Variants in GOLPH3 observed in about 807,000 individuals in gnomAD.
The protein encoded by GOLPH3 is coat protein GPP34.
In GOLPH3, 14 loss-of-function variants were observed where a neutral mutation model predicts 28.5. That is an observed-to-expected ratio of 0.49 (90% CI 0.32 to 0.77). The LOEUF (loss-of-function observed/expected upper bound fraction) is 0.77. GOLPH3 is among the 30% of genes least tolerant of loss of function. The pLI is 0.03. For missense variants in GOLPH3, 350 were observed against 393.7 expected (o/e 0.89, Z 0.94); for synonymous variants, 158 against 159.2 (o/e 0.99, Z 0.06).
rs534513890 is a variant in GOLPH3 at position 32,134,527 on chromosome 5, A to AT, written c.472+1044_472+1045insA. On this transcript the variant is annotated intron_variant, in intron 3 of 3. Transcript: ENST00000265070. ...CCTGGCCAAAAAATAAAATAAAAAA[A>AT]AAAAAAAAAAACTCAGCGAGGCATG... Among the ~76,000 whole-genome samples, 3 of 151,920 alleles carry AT rather than the reference A, an allele frequency of 2.0e-5. No individual in the cohort carries two copies. The South Asian group carries it at 6.3e-4, about 32-fold the overall frequency.
intron 1 of GOLPH3, among the ~76,000 whole-genome samples, chr5:32,155,034 G>C (rs964131851): frequency 1.3e-5 from 2 of 149,164 alleles, no homozygotes; most frequent in African/African-American, 5.0e-5. Flanking sequence ...AGTGGACAGA[G>C]GTTACAGTGA....
intron 1 of GOLPH3, among the ~76,000 whole-genome samples, chr5:32,160,811 T>C (rs1746553836): frequency 6.6e-6 from 1 of 152,180 alleles, no homozygotes; most frequent in Non-Finnish European, 1.5e-5. Flanking sequence ...CTCACGCCTG[T>C]AATCCCAGCA....
chr5:32,170,783 T>A (rs1035941543), intron 1 of GOLPH3, among the ~76,000 whole-genome samples: 61 of 151,494 alleles, frequency 4.0e-4, no homozygotes, highest in Non-Finnish European at 1.2e-4. Flanking sequence ...AAAAAAAAAA[T>A]TTTAAAGATG....
intron 1 of GOLPH3, among the ~76,000 whole-genome samples, chr5:32,162,857 T>A (rs561440052): frequency 6.6e-6 from 1 of 152,004 alleles, no homozygotes; most frequent in East Asian, 1.9e-4. Flanking sequence ...GGCGGGCGGA[T>A]CACGAGGTCA....
Position 32,150,236 on chromosome 5 carries a change from A to G in GOLPH3, c.226-6356T>C, listed in dbSNP as rs139706464. 3.7e-3 allele frequency among the ~76,000 whole-genome samples: 569 copies of G among 152,184 alleles called. 4 individuals carry two copies. The highest frequency in any genetic ancestry group is 0.013 in the African/African-American group (537 of 41,534). On this transcript the variant is annotated intron_variant, in intron 1 of 3. Coordinates refer to ENST00000265070, the MANE Select transcript of GOLPH3 (RefSeq NM_022130.4). ...CAAAAAATACCATGGCAAAACCTATATGAAAAGTTTAAAGTCTCTTGAAAG... is the reference window on the plus strand; with the variant it reads ...CAAAAAATACCATGGCAAAACCTATGTGAAAAGTTTAAAGTCTCTTGAAAG...
chr5:32,143,326 G>T (rs1287291422), intron 2 of GOLPH3, among the ~76,000 whole-genome samples: 2 of 151,356 alleles, frequency 1.3e-5, no homozygotes, highest in African/African-American at 4.9e-5. Context: ...AAGGCCGCAG[G>T]GTCCTCTGCC....
chr5:32,173,392 T>C (rs1746891613), intron 1 of GOLPH3, among the ~76,000 whole-genome samples: 1 of 150,828 alleles, frequency 6.6e-6, no homozygotes, highest in Non-Finnish European at 1.5e-5. Flanking sequence ...CCCTCCCAGG[T>C]CCTAAAGCCT....
At chr5:32,141,040 G>A (rs925382340) in intron 2 of GOLPH3, among the ~76,000 whole-genome samples, 2 of 151,806 alleles carry the variant, frequency 1.3e-5, no homozygotes, top group Non-Finnish European at 2.9e-5. Flanking sequence ...GCACACGCCT[G>A]TAGTACCAGC....
At chr5:32,158,128 A>ACACAC (rs1432947280) in intron 1 of GOLPH3, among the ~76,000 whole-genome samples, 1 of 41,692 alleles carries the variant, frequency 2.4e-5, no homozygotes, top group Non-Finnish European at 4.8e-5. Flanking sequence ...ATAAATAAAT[A>ACACAC]AAATACACAC....
At chr5:32,161,378 T>G (rs1466243387) in intron 1 of GOLPH3, among the ~76,000 whole-genome samples, 2 of 127,504 alleles carry the variant, frequency 1.6e-5, no homozygotes, top group Non-Finnish European at 3.1e-5. Flanking sequence ...GACTCCACCC[T>G]GGGTGACAGA....
chr5:32,153,963 G>A (rs1234827069), intron 1 of GOLPH3, among the ~76,000 whole-genome samples: 1 of 152,210 alleles, frequency 6.6e-6, no homozygotes, highest in Non-Finnish European at 1.5e-5. Flanking sequence ...TACGAGTTGA[G>A]TCCAGGACAT....
chr5:32,156,179 C>T (rs553294676), intron 1 of GOLPH3, among the ~76,000 whole-genome samples: 1 of 151,882 alleles, frequency 6.6e-6, no homozygotes, highest in East Asian at 1.9e-4. Flanking sequence ...TTGAACTTCC[C>T]AGACTCCAGA....
At chr5:32,131,378 CGTAA>C (rs1161946044) in intron 3 of GOLPH3, among the ~76,000 whole-genome samples, 1 of 152,094 alleles carries the variant, frequency 6.6e-6, no homozygotes, top group Non-Finnish European at 1.5e-5. Context: ...CTGAGTTTAG[CGTAA>C]GTAAGACATC....
At chr5:32,127,379 T>TA (rs1156313349) in intron 3 of GOLPH3, among the ~76,000 whole-genome samples, 2 of 152,196 alleles carry the variant, frequency 1.3e-5, no homozygotes, top group African/African-American at 2.4e-5. Flanking sequence ...TTTTTATACT[T>TA]AAAAAAACTA....
chr5:32,147,896 T>C (rs1186652356), intron 1 of GOLPH3, among the ~76,000 whole-genome samples: 1 of 152,244 alleles, frequency 6.6e-6, no homozygotes, highest in Non-Finnish European at 1.5e-5. Context: ...TACCACATAC[T>C]ATATAGTTAA....
chr5:32,127,173 C>A (rs1290703064), intron 3 of GOLPH3, among the ~76,000 whole-genome samples: 5 of 152,162 alleles, frequency 3.3e-5, no homozygotes, highest in African/African-American at 1.2e-4. Flanking sequence ...ACCTTGCCAT[C>A]CATACATATT....
chr5:32,167,841 C>A (rs1012788971), intron 1 of GOLPH3, among the ~76,000 whole-genome samples: 2 of 151,900 alleles, frequency 1.3e-5, no homozygotes, highest in South Asian at 2.1e-4. Flanking sequence ...ATAGTCCCAG[C>A]TATTCAGGAG....
At chr5:32,172,975 G>T (rs1746877227) in intron 1 of GOLPH3, among the ~76,000 whole-genome samples, 1 of 152,194 alleles carries the variant, frequency 6.6e-6, no homozygotes, top group Non-Finnish European at 1.5e-5. Flanking sequence ...ACTTTTCTGT[G>T]TGTGAAAATT....
chr5:32,172,092 A>C (rs1221314510), intron 1 of GOLPH3, among the ~76,000 whole-genome samples: 2 of 152,242 alleles, frequency 1.3e-5, no homozygotes, highest in Non-Finnish European at 2.9e-5. Context: ...AACTGCACAT[A>C]CAGCCTGCTT....
Sources: allele counts gnomAD v4.1 joint callset (sites outside exome capture counted in the v4.1 genomes callset), GRCh38; gene constraint gnomAD v4.1.1; transcripts MANE v1.5; gene names NCBI Gene and HGNC (gene_info 2026-07-23, HGNC 2026-07-21).